Variants in COL9A3 observed in about 807,000 individuals in gnomAD.
The protein encoded by COL9A3 is collagen alpha-3(IX) chain.
In COL9A3, 82 loss-of-function variants were observed where a neutral mutation model predicts 110.2. That is an observed-to-expected ratio of 0.74 (90% CI 0.62 to 0.89). The LOEUF is 0.89. Ranked by LOEUF, COL9A3 falls within the 40% of genes least tolerant of loss-of-function variation. COL9A3 has a pLI of 0.00. For synonymous variants in COL9A3, 494 were observed against 403.8 expected (o/e 1.22, Z -2.68); for missense variants, 1,066 against 981.3 (o/e 1.09, Z -1.15).
intron 19 of COL9A3, 22 bp downstream of exon 19, chr20:62,828,998 C>T (rs112511918): frequency 6.3e-7 from 1 of 1,585,362 alleles, no homozygotes; most frequent in Non-Finnish European, 8.6e-7. Flanking sequence ...GCGGGTGGGG[C>T]CAGCCTGGGG....
chr20:62,825,825 T>C lies in COL9A3; in HGVS notation c.639T>C (p.Pro213=). 1 of 1,554,276 alleles carries C rather than the reference T, an allele frequency of 6.4e-7. No homozygotes were observed. The highest frequency in any genetic ancestry group is 8.7e-7 in the Non-Finnish European group (1 of 1,148,744). The change falls in exon 13 of 32, where the codon CCT becomes CCC. Residue 213 remains proline (P), a synonymous_variant. Coordinates refer to ENST00000649368, the MANE Select transcript of COL9A3 (RefSeq NM_001853.4). Reference sequence around the variant, plus strand: ...TATCCCCTCTGTTTCAGGGTGACCCTGGCCCCCCTGGGCCCGCCGGCCTCC... The same window carrying C: ...TATCCCCTCTGTTTCAGGGTGACCCCGGCCCCCCTGGGCCCGCCGGCCTCC... ...EVGKDGEKGD[P]GPPGPAGLPG... is the part of the protein sequence containing the mutation.
At chr20:62,830,245 G>T in intron 22 of COL9A3, 115 bp from the exon 23 acceptor site, 1 of 1,264,476 alleles carries the variant, frequency 7.9e-7, no homozygotes, top group South Asian at 1.3e-5. Flanking sequence ...AGGTGGCTTA[G>T]AACCGGCTCC....
At chr20:62,829,054 G>A (rs2063575845) in intron 19 of COL9A3, 78 bp downstream of exon 19, 1 of 1,483,690 alleles carries the variant, frequency 6.7e-7, no homozygotes. Context: ...GGCTGGGTGG[G>A]TTGGTCACTG....
intron 17 of COL9A3, 138 bp from the exon 18 acceptor site, chr20:62,828,626 T>G: frequency 2.0e-6 from 2 of 1,021,158 alleles, no homozygotes; most frequent in Non-Finnish European, 3.0e-6. Context: ...ACCTTGGTCA[T>G]GAAACCAGAT....
chr20:62,834,942 T>G (rs1204732113), intron 26 of COL9A3, among the ~76,000 whole-genome samples: 1 of 152,208 alleles, frequency 6.6e-6, no homozygotes, highest in Non-Finnish European at 1.5e-5. Context: ...CCCAGCCCAT[T>G]TAGTGAATTC....
chr20:62,832,964 G>C, intron 25 of COL9A3, 56 bp from the exon 26 acceptor site: 1 of 1,491,536 alleles, frequency 6.7e-7, no homozygotes, highest in Non-Finnish European at 9.4e-7. Context: ...TTTAAGGCAT[G>C]AAGTCCCTAC....
intron 30 of COL9A3, among the ~76,000 whole-genome samples, chr20:62,837,523 C>T (rs902731436): frequency 4.6e-5 from 7 of 152,278 alleles, no homozygotes; most frequent in Admixed American, 2.6e-4. Context: ...TAAAATGTGA[C>T]GAAGGCTGGG....
intron 1 of COL9A3, 85 bp downstream of exon 1, chr20:62,817,227 C>T (rs1243440899): frequency 5.0e-6 from 5 of 1,007,134 alleles, no homozygotes; most frequent in Non-Finnish European, 6.4e-6. Flanking sequence ...GTGCCCGGCG[C>T]AGCCTCGACG....
Position 62,829,517 on chromosome 20 carries a change from C to T in COL9A3, c.1053+18C>T. 6.3e-7 allele frequency: 1 copy of T among 1,597,744 alleles called. No individual in the cohort carries two copies. Among genetic ancestry groups the T allele is most frequent in the African/African-American group, 1.3e-5 (1 of 74,368 alleles). ...GAGAACGGGTATGTGGCTGCAGCCG[C>T]TTTCTCTCTGGGAGGGGAGGCGAGG... On this transcript the variant is annotated intron_variant, in intron 20 of 31. Transcript: ENST00000649368.
intron 24 of COL9A3, 132 bp from the exon 25 acceptor site, chr20:62,832,022 G>A (rs1002856115): frequency 3.6e-5 from 33 of 916,346 alleles, no homozygotes; most frequent in South Asian, 5.3e-5. Context: ...TCTGGGAGCC[G>A]GTGTTCACAG....
Position 62,826,194 on chromosome 20 carries a change from T to C in COL9A3, c.685-10T>C. 6.4e-7 allele frequency: 1 copy of C among 1,558,460 alleles called. No homozygotes were observed. The highest frequency in any genetic ancestry group is 8.7e-7 in the Non-Finnish European group (1 of 1,151,792). ...GCCCCAGCCTCTGCATCTGTGCCTC[T>C]CTCTCGCAGGGCCCCCGGGGATTAC... On this transcript the variant is annotated splice_polypyrimidine_tract_variant and intron_variant, in intron 13 of 31. Transcript: ENST00000649368.
intron 5 of COL9A3, among the ~76,000 whole-genome samples, 199 bp downstream of exon 5, chr20:62,820,181 G>A (rs960815076): frequency 6.6e-6 from 1 of 151,978 alleles, no homozygotes; most frequent in African/African-American, 2.4e-5. Flanking sequence ...TCACCTCCAC[G>A]TATGGTCAGA....
intron 28 of COL9A3, 64 bp downstream of exon 28, chr20:62,836,397 A>G (rs922813613): frequency 1.2e-6 from 2 of 1,613,834 alleles, no homozygotes; most frequent in Non-Finnish European, 1.7e-6. Flanking sequence ...TCCGGAAGGA[A>G]GTTACTTTGC....
intron 22 of COL9A3, 50 bp from the exon 23 acceptor site, chr20:62,830,310 G>A (rs1203594371): frequency 6.5e-7 from 1 of 1,547,700 alleles, no homozygotes; most frequent in South Asian, 1.2e-5. Context: ...GCCTCTTGGG[G>A]ACTCCTCGAA....
intron 9 of COL9A3, 140 bp downstream of exon 9, chr20:62,822,304 A>T: frequency 1.4e-6 from 1 of 728,654 alleles, no homozygotes; most frequent in Non-Finnish European, 2.5e-6. Flanking sequence ...GGAACAGTCA[A>T]TGGTGGGGGC....
intron 25 of COL9A3, 126 bp from the exon 26 acceptor site, chr20:62,832,894 G>A: frequency 1.1e-6 from 1 of 918,092 alleles, no homozygotes; most frequent in South Asian, 1.3e-5. Flanking sequence ...CCTGGGGCCT[G>A]GGCTTTTGGC....
intron 31 of COL9A3, among the ~76,000 whole-genome samples, chr20:62,839,122 G>A (rs1870627196): frequency 6.6e-6 from 1 of 152,118 alleles, no homozygotes; most frequent in South Asian, 2.1e-4. Flanking sequence ...ATACTTGGGA[G>A]GCTGAGACAA....
chr20:62,835,073 C>G (rs1271304104), intron 26 of COL9A3, among the ~76,000 whole-genome samples: 2 of 152,284 alleles, frequency 1.3e-5, no homozygotes, highest in African/African-American at 4.8e-5. Context: ...TTGCTCTCAG[C>G]TACTCGCACG....
rs374503994 is a variant in COL9A3 at position 62,821,202 on chromosome 20, C to T, written c.331C>T (p.Pro111Ser). The T allele has an allele frequency of 1.6e-4, 254 of 1,613,126 alleles. No homozygotes were observed. The highest frequency in any genetic ancestry group is 2.1e-4 in the Non-Finnish European group (243 of 1,179,794). Residue 111 changes from proline to serine, a missense_variant, in exon 6 of 32, where the codon CCG becomes TCG. Transcript: ENST00000649368. ...ACAGGGAAGTCTGGGACCCCCGGGG[C>T]CGCCCGGGCTGGGGGTGAGTATGGA... The part of the protein sequence containing the change: ...GERGSLGPPG[P>S]PGLGGKGLPG...
Sources: gnomAD v4.1 joint callset for allele counts (sites outside exome capture counted in the v4.1 genomes callset) on GRCh38, gnomAD v4.1.1 for gene constraint, MANE v1.5 for transcripts, NCBI Gene and HGNC (gene_info 2026-07-23, HGNC 2026-07-21) for gene names.